Variants in VRK2 observed in about 807,000 individuals in gnomAD.
VRK2 encodes the protein VRK serine/threonine kinase 2, also known as serine/threonine-protein kinase VRK2.
Under a neutral mutation model 57.6 loss-of-function variants are expected in VRK2, and 60 were observed. The ratio of observed to expected loss-of-function variants is 1.04; its 90% confidence interval spans 0.85 to 1.29. The LOEUF is 1.29. Among genes scored for constraint, VRK2 ranks in the 50% most tolerant of loss-of-function variants. The pLI, the probability that VRK2 is intolerant of heterozygous loss-of-function variation, is 0.00. For missense variants in VRK2, 705 were observed against 588.1 expected, an observed-to-expected ratio of 1.20 and a Z score of -2.06; for synonymous variants, 231 against 199.2, an observed-to-expected ratio of 1.16 and a Z score of -1.35.
intron 12 of VRK2, chr2:58,154,804 T>C (rs1683549639): frequency 2.8e-6 from 2 of 717,374 alleles, no homozygotes; most frequent in Non-Finnish European, 5.2e-6. Context: ...TTTTCTAATG[T>C]AAGTATTCCA....
intron 8 of VRK2, among the ~76,000 whole-genome samples, chr2:58,127,312 G>A (rs985968029): frequency 5.3e-5 from 8 of 152,088 alleles, no homozygotes; most frequent in East Asian, 1.9e-4. Flanking sequence ...CATGGTTTAC[G>A]CAATACTTAT....
At chr2:58,023,550 AT>A (rs1673829053) in intron 1 of VRK2, among the ~76,000 whole-genome samples, 2 of 152,318 alleles carry the variant, frequency 1.3e-5, no homozygotes, top group African/African-American at 4.8e-5. Flanking sequence ...AAGGAAAAAA[AT>A]AGTAAATGTA....
chr2:58,131,279 A>T (rs918536849), intron 8 of VRK2, among the ~76,000 whole-genome samples: 4 of 149,922 alleles, frequency 2.7e-5, no homozygotes, highest in East Asian at 1.9e-4. Context: ...CCTTTTTTTA[A>T]TACTGCACAC....
intron 3 of VRK2, among the ~76,000 whole-genome samples, chr2:58,040,542 A>G (rs1378221972): frequency 6.6e-6 from 1 of 152,186 alleles, no homozygotes; most frequent in African/African-American, 2.4e-5. Flanking sequence ...AAGCAGTAAG[A>G]GAAATTGTGA....
intron 1 of VRK2, among the ~76,000 whole-genome samples, chr2:57,932,861 T>C (rs1670774854): frequency 6.6e-6 from 1 of 152,194 alleles, no homozygotes; most frequent in Admixed American, 6.5e-5. Flanking sequence ...TTTGCTGCAT[T>C]CCATAATTTT....
intron 2 of VRK2, among the ~76,000 whole-genome samples, chr2:58,056,748 G>A (rs984064953): frequency 6.6e-6 from 1 of 152,168 alleles, no homozygotes; most frequent in Non-Finnish European, 1.5e-5. Context: ...GTGGTGGCAT[G>A]TGATGCTTTT....
At chr2:57,996,055 T>A (rs1484805745) in intron 1 of VRK2, among the ~76,000 whole-genome samples, 1 of 152,168 alleles carries the variant, frequency 6.6e-6, no homozygotes, top group African/African-American at 2.4e-5. Context: ...TATAAAACAT[T>A]TACATTGCAT....
intron 1 of VRK2, among the ~76,000 whole-genome samples, chr2:57,958,255 T>G (rs1399154524): frequency 6.6e-6 from 1 of 152,188 alleles, no homozygotes; most frequent in Non-Finnish European, 1.5e-5. Flanking sequence ...CTTAGATTAC[T>G]TAAAATATAA....
intron 8 of VRK2, among the ~76,000 whole-genome samples, chr2:58,124,378 A>C (rs1314861776): frequency 6.6e-6 from 1 of 152,228 alleles, no homozygotes; most frequent in Non-Finnish European, 1.5e-5. Context: ...ACAAAAAGTC[A>C]ATTCTAATGT....
At chr2:57,931,232 T>C (rs1039241915) in intron 1 of VRK2, among the ~76,000 whole-genome samples, 8 of 152,170 alleles carry the variant, frequency 5.3e-5, no homozygotes, top group African/African-American at 1.9e-4. Context: ...TCATAATGGC[T>C]GTACCAATTT....
chr2:57,973,571 G>A (rs1672158867), intron 1 of VRK2, among the ~76,000 whole-genome samples: 1 of 151,768 alleles, frequency 6.6e-6, no homozygotes, highest in African/African-American at 2.4e-5. Context: ...CTCTCAATAA[G>A]ATGAAAGGAA....
chr2:57,950,671 C>G (rs1424414042), intron 1 of VRK2, among the ~76,000 whole-genome samples: 1 of 152,154 alleles, frequency 6.6e-6, no homozygotes, highest in Non-Finnish European at 1.5e-5. Flanking sequence ...TTTCAAATTT[C>G]AAGTCATTAT....
chr2:58,069,943 G>T (rs754741044), intron 2 of VRK2, among the ~76,000 whole-genome samples: 4 of 152,074 alleles, frequency 2.6e-5, no homozygotes, highest in Non-Finnish European at 5.9e-5. Context: ...ACTGTGAATT[G>T]TGACCTTTTC....
At position 57,988,835 on chromosome 2, in the gene VRK2, A is replaced by C. The variant is rs150292214; in HGVS notation, c.-438-36830A>C. 1.9e-3 allele frequency among the ~76,000 whole-genome samples: 293 copies of C among 152,244 alleles called. 3 individuals carry two copies. The highest frequency in any genetic ancestry group is 6.7e-3 in the African/African-American group (278 of 41,542). On this transcript the variant is annotated intron_variant, in intron 1 of 15. Coordinates refer to the VRK2 transcript ENST00000417641. ...TATTGCGGGAATTCACAGCCTCTTT[A>C]GTTCTAATTCCCATAATAAGCCTCT...
rs751258176 is a variant in VRK2, at chr2:58,159,633, T to C, written c.1467T>C (p.Tyr489=). ...AAGAGACAAACGCAGATGTTTATTA[T>C]TATCGCATCATCATACCTGTCCTTT... ...LSEETNADVY[Y]YRIIIPVLLM... is the part of the protein sequence containing the mutation. The change falls in exon 13 of 13, where the codon TAT becomes TAC. Residue 489 remains tyrosine, a synonymous_variant. Coordinates refer to ENST00000340157, the MANE Select transcript of VRK2 (RefSeq NM_006296.7). The C allele has an allele frequency of 1.2e-5, 19 of 1,613,686 alleles. No individual in the cohort carries two copies. Among genetic ancestry groups the C allele is most frequent in the Non-Finnish European group, 1.5e-5 (18 of 1,179,804 alleles).
intron 1 of VRK2, among the ~76,000 whole-genome samples, chr2:58,000,216 C>G (rs1673050053): frequency 6.6e-6 from 1 of 152,150 alleles, no homozygotes; most frequent in South Asian, 2.1e-4. Context: ...GATAAGTACT[C>G]TTGGTTATTT....
At chr2:58,037,081 A>G (rs538286054) in intron 3 of VRK2, among the ~76,000 whole-genome samples, 3 of 152,042 alleles carry the variant, frequency 2.0e-5, no homozygotes, top group South Asian at 4.2e-4. Context: ...AACTATAGGC[A>G]TGCACCACCA....
intron 1 of VRK2, among the ~76,000 whole-genome samples, chr2:57,956,275 C>T (rs1028217088): frequency 2.0e-5 from 3 of 152,060 alleles, no homozygotes; most frequent in African/African-American, 4.8e-5. Flanking sequence ...GTACTAGTTA[C>T]TTGGGAGGCT....
At chr2:58,062,630 A>G (rs1677519358) in intron 2 of VRK2, among the ~76,000 whole-genome samples, 1 of 152,130 alleles carries the variant, frequency 6.6e-6, no homozygotes, top group Non-Finnish European at 1.5e-5. Flanking sequence ...CAAACCAGCC[A>G]CAACATTCCC....
Sources: allele counts gnomAD v4.1 joint callset (sites outside exome capture counted in the v4.1 genomes callset), GRCh38; gene constraint gnomAD v4.1.1; transcripts MANE v1.5; gene names NCBI Gene and HGNC (gene_info 2026-07-23, HGNC 2026-07-21).